ZBTB20: variants seen among roughly 807,000 people sequenced by gnomAD.
The protein encoded by ZBTB20 is zinc finger and BTB domain containing 20.
In ZBTB20, 9 loss-of-function variants were observed where a neutral mutation model predicts 56.9. The ratio of observed to expected loss-of-function variants is 0.16; its 90% CI spans 0.10 to 0.28. The LOEUF is 0.28. ZBTB20 is among the 10% of genes least tolerant of loss of function. The pLI, the probability that ZBTB20 is intolerant of heterozygous loss-of-function variation, is 1.00. For synonymous variants in ZBTB20, 417 were observed against 420.7 expected (o/e 0.99, Z 0.11); for missense variants, 655 against 1,003.0 (o/e 0.65, Z 4.69).
chr3:114,929,413 G>A (rs183112152), intron 3 of ZBTB20, among the ~76,000 whole-genome samples: 2 of 152,358 alleles, frequency 1.3e-5, no homozygotes, highest in African/African-American at 4.8e-5. Context: ...TGAGAAAGGA[G>A]AGAAAGGAAG....
At chr3:114,859,571 CG>C (rs1369189641) in intron 4 of ZBTB20, among the ~76,000 whole-genome samples, 5 of 48,980 alleles carry the variant, frequency 1.0e-4, no homozygotes, top group African/African-American at 2.0e-4. Flanking sequence ...CTTCTTATGG[CG>C]TTTTTTTTTT....
intron 1 of ZBTB20, among the ~76,000 whole-genome samples, chr3:115,082,565 G>A (rs954907318): frequency 4.6e-5 from 7 of 152,004 alleles, no homozygotes; most frequent in African/African-American, 7.2e-5. Flanking sequence ...ACAAACGGAC[G>A]GGAAAGAAAG....
Position 114,351,739 on chromosome 3 carries a change from G to A in ZBTB20, c.339C>T (p.Ser113=). 1 of 1,614,096 alleles carries A rather than the reference G, an allele frequency of 6.2e-7. No individual in the cohort carries two copies. The highest frequency in any genetic ancestry group is 8.5e-7 in the Non-Finnish European group (1 of 1,180,032). ...GCACGCAGCGGTGTGCGCGCAGCAT[G>A]CTCCCGTGGATGCGCACCGTTACGT... ...FCDVTVRIHG[S]MLRAHRCVLA... The change falls in exon 11 of 12, where the codon AGC becomes AGT. Residue 113 remains serine (S), a synonymous_variant. Transcript: ENST00000675478.
chr3:114,991,597 A>G (rs2078813025), intron 2 of ZBTB20, among the ~76,000 whole-genome samples: 1 of 151,952 alleles, frequency 6.6e-6, no homozygotes, highest in Non-Finnish European at 1.5e-5. Flanking sequence ...TGGGGTGGAG[A>G]GTTCTGTAGA....
intron 7 of ZBTB20, among the ~76,000 whole-genome samples, chr3:114,423,559 G>A (rs1305144064): frequency 2.0e-5 from 3 of 152,000 alleles, no homozygotes; most frequent in African/African-American, 4.8e-5. Context: ...ATTTGATAAT[G>A]GTCATTAGTA....
At chr3:114,445,819 T>C (rs2091233625) in intron 7 of ZBTB20, among the ~76,000 whole-genome samples, 1 of 152,206 alleles carries the variant, frequency 6.6e-6, no homozygotes, top group African/African-American at 2.4e-5. Flanking sequence ...ATGGTTTACA[T>C]TTATGTATGT....
chr3:114,884,850 T>C (rs1303025876), intron 4 of ZBTB20, among the ~76,000 whole-genome samples: 2 of 152,142 alleles, frequency 1.3e-5, no homozygotes, highest in Non-Finnish European at 2.9e-5. Context: ...AGAAGTGATT[T>C]GCGAAAGGGA....
At chr3:114,418,514 A>T (rs544518762) in intron 7 of ZBTB20, among the ~76,000 whole-genome samples, 123 of 152,164 alleles carry the variant, frequency 8.1e-4, no homozygotes, top group African/African-American at 2.8e-3. Context: ...CCTTATCATA[A>T]GAAAAAATGG....
At chr3:114,569,586 A>G (rs553781070) in intron 6 of ZBTB20, among the ~76,000 whole-genome samples, 3 of 152,254 alleles carry the variant, frequency 2.0e-5, no homozygotes, top group Non-Finnish European at 2.9e-5. Context: ...AGTTCTGAAT[A>G]AAGATGGCGG....
intron 3 of ZBTB20, among the ~76,000 whole-genome samples, chr3:114,944,800 T>C (rs1431183872): frequency 6.9e-6 from 1 of 144,962 alleles, no homozygotes; most frequent in Non-Finnish European, 1.5e-5. Context: ...GGGAGTAAAA[T>C]GGTGGTTACT....
rs114699546 is a variant in ZBTB20 at position 114,338,999 on chromosome 3, T to C, written c.*6A>G. ...TTTGTTCATAAGAAAGAGAGAAAGA[T>C]ACTACTTATCCGTCAGACACATGCA... On this transcript the variant is annotated 3_prime_UTR_variant, in exon 12 of 12. Transcript: ENST00000675478. The C allele has an allele frequency of 1.4e-3, 2,158 of 1,500,262 alleles. 22 individuals carry two copies. The African/African-American group carries it at 0.026, about 18-fold the overall frequency. 92.9% of individuals were successfully genotyped at this position (1,500,262 alleles called of 1,614,324 possible). A position where few individuals can be genotyped will look rare whatever the true frequency, so the allele number is the denominator to read the frequency against.
chr3:115,056,985 C>CTGTT (rs2081819745), intron 2 of ZBTB20, among the ~76,000 whole-genome samples: 3 of 150,724 alleles, frequency 2.0e-5, no homozygotes, highest in Admixed American at 6.6e-5. Flanking sequence ...CATATCTATT[C>CTGTT]CAGAATATAT....
intron 4 of ZBTB20, among the ~76,000 whole-genome samples, chr3:114,896,946 G>T (rs566795185): frequency 6.6e-6 from 1 of 152,132 alleles, no homozygotes; most frequent in South Asian, 2.1e-4. Context: ...GCCCAACCAG[G>T]ATCCCTGCTC....
chr3:115,048,037 G>C (rs1424656028), intron 2 of ZBTB20, among the ~76,000 whole-genome samples: 2 of 151,772 alleles, frequency 1.3e-5, no homozygotes, highest in Non-Finnish European at 1.5e-5. Flanking sequence ...TGGCTAACAC[G>C]GTGAAACCCC....
At chr3:114,631,077 T>G (rs983933303) in intron 6 of ZBTB20, among the ~76,000 whole-genome samples, 1 of 152,154 alleles carries the variant, frequency 6.6e-6, no homozygotes, top group African/African-American at 2.4e-5. Flanking sequence ...ACATAACCTT[T>G]TCCCCCAAGT....
At chr3:114,583,688 T>C (rs1038100053) in intron 6 of ZBTB20, among the ~76,000 whole-genome samples, 21 of 152,216 alleles carry the variant, frequency 1.4e-4, no homozygotes, top group African/African-American at 5.1e-4. Context: ...CCTTACCCTA[T>C]GCAAATAAGA....
chr3:115,086,154 C>G (rs1269402510), intron 1 of ZBTB20, among the ~76,000 whole-genome samples: 1 of 151,554 alleles, frequency 6.6e-6, no homozygotes, highest in Admixed American at 6.6e-5. Flanking sequence ...TAATAAATAC[C>G]CTGGATTATA....
intron 4 of ZBTB20, among the ~76,000 whole-genome samples, chr3:114,839,128 C>T (rs542932127): frequency 3.3e-5 from 5 of 152,182 alleles, no homozygotes; most frequent in Middle Eastern, 3.4e-3. Context: ...AGGCTTGCCT[C>T]GCTGTCTCAT....
chr3:114,385,640 G>A (rs962081594), intron 8 of ZBTB20, among the ~76,000 whole-genome samples: 9 of 152,094 alleles, frequency 5.9e-5, no homozygotes, highest in East Asian at 3.9e-4. Context: ...AAGTCGAGGC[G>A]GGCGGATCAC....
Sources: allele counts gnomAD v4.1 joint callset (sites outside exome capture counted in the v4.1 genomes callset), GRCh38; gene constraint gnomAD v4.1.1; transcripts MANE v1.5; gene names NCBI Gene and HGNC (gene_info 2026-07-23, HGNC 2026-07-21).